Variants in FRAS1 observed in about 807,000 individuals in gnomAD.
FRAS1 encodes extracellular matrix organizing protein FRAS1.
Under a neutral mutation model 435.2 loss-of-function variants are expected in FRAS1, and 290 were observed. The observed-to-expected ratio is 0.67, with a 90% CI of 0.61 to 0.73. The LOEUF is 0.73. Ranked by LOEUF, FRAS1 falls within the 30% of genes least tolerant of loss-of-function variation. FRAS1 has a pLI of 0.00. For missense variants in FRAS1, 4,860 were observed against 5,001.5 expected, an observed-to-expected ratio of 0.97 and a Z score of 0.85; for synonymous variants, 1,800 against 1,851.0, an observed-to-expected ratio of 0.97 and a Z score of 0.71.
intron 29 of FRAS1, among the ~76,000 whole-genome samples, chr4:78,390,987 T>C (rs529800179): frequency 4.6e-4 from 70 of 152,378 alleles, no homozygotes; most frequent in African/African-American, 1.6e-3. Flanking sequence ...TATTCCAGTC[T>C]TACTCCCCTG....
intron 20 of FRAS1, among the ~76,000 whole-genome samples, chr4:78,359,985 A>G (rs1421301562): frequency 6.6e-6 from 1 of 152,160 alleles, no homozygotes; most frequent in Non-Finnish European, 1.5e-5. Context: ...AGACCTTTCC[A>G]TTGATTTCTG....
At chr4:78,284,308 G>A in intron 12 of FRAS1, 97 bp from the exon 13 acceptor site, 2 of 890,774 alleles carry the variant, frequency 2.2e-6, no homozygotes, top group East Asian at 1.4e-4. Flanking sequence ...CATGTTCTAT[G>A]TAATGCTACA....
chr4:78,466,096 C>T, intron 49 of FRAS1, 112 bp from the exon 50 acceptor site: 1 of 766,532 alleles, frequency 1.3e-6, no homozygotes. Context: ...ACAGTCCTTA[C>T]TTTATCAATG....
chr4:78,387,512 T>A lies in FRAS1; in HGVS notation c.3786T>A (p.His1262Gln), dbSNP rs372363321. ...VVIEIIDPPL[H>Q]GQLLQTLQSP... ...TTGAAATAATCGATCCTCCACTTCA[T>A]GGCCAATTGCTTCAGACACTTCAGT... The change falls in exon 29 of 74, where the codon CAT (histidine) becomes CAA (glutamine). Residue 1262 changes from histidine (H) to glutamine (Q), a missense_variant. Physicochemically the swap from His to Gln is conservative, Grantham distance 24 (BLOSUM62 0). Transcript: ENST00000512123. 9.9e-6 allele frequency: 16 copies of A among 1,613,624 alleles called. No homozygotes were observed. Among genetic ancestry groups the A allele is most frequent in the Middle Eastern group, 1.6e-4 (1 of 6,084 alleles).
chr4:78,470,774 A>G (rs1719678224), intron 51 of FRAS1, among the ~76,000 whole-genome samples: 1 of 152,210 alleles, frequency 6.6e-6, no homozygotes, highest in African/African-American at 2.4e-5. Context: ...AGAGAAGCCT[A>G]GAACCAATCC....
Position 78,451,835 on chromosome 4 carries a change from T to C in FRAS1, c.6527T>C (p.Val2176Ala). 1.2e-6 allele frequency: 2 copies of C among 1,613,142 alleles called. No individual in the cohort carries two copies. The highest frequency in any genetic ancestry group is 1.7e-6 in the Non-Finnish European group (2 of 1,179,304). ...PGGSFAFKFD[V>A]VDGEGNRLID... ...GGGAGCTTTGCTTTTAAATTTGATG[T>C]GGTTGATGGAGAAGGCAACAGATTG... The change falls in exon 46 of 74, where the codon GTG (valine) becomes GCG (alanine). Residue 2176 changes from valine to alanine, a missense_variant. Transcript: ENST00000512123.
chr4:78,416,037 T>A (rs578100438), intron 32 of FRAS1, among the ~76,000 whole-genome samples: 1 of 152,224 alleles, frequency 6.6e-6, no homozygotes, highest in South Asian at 2.1e-4. Flanking sequence ...TAAATGTCTA[T>A]CAGCAGAGAA....
At chr4:78,219,824 T>A (rs1723974375) in intron 2 of FRAS1, among the ~76,000 whole-genome samples, 2 of 152,198 alleles carry the variant, frequency 1.3e-5, no homozygotes, top group Non-Finnish European at 2.9e-5. Flanking sequence ...AGAAGTTAGT[T>A]CCTTTTGTTT....
At position 78,347,774 on chromosome 4, in the gene FRAS1, C is replaced by CGT. The variant is rs200474638; in HGVS notation, c.2422+9970_2422+9971dup. Among the ~76,000 whole-genome samples the CGT allele has an allele frequency of 1.4e-4, 18 of 131,198 alleles. 1 individual carries two copies. The highest frequency in any genetic ancestry group is 3.8e-3 in the Middle Eastern group (1 of 266). The allele number at this position is 131,198 out of a possible 152,430, so 86.1% of individuals were successfully genotyped here. A position where few individuals can be genotyped will look rare whatever the true frequency, so the allele number is the denominator to read the frequency against. On this transcript the variant is annotated intron_variant, in intron 20 of 73. Transcript: ENST00000512123. Reference sequence around the variant, plus strand: ...GTATGTGTGTGTGTGTATGTGTGTGCGTGTGTGTGTGTGTTTTTTTTTTTT... The same window carrying CGT: ...GTATGTGTGTGTGTGTATGTGTGTGCGTGTGTGTGTGTGTGTTTTTTTTTTTT...
intron 16 of FRAS1, among the ~76,000 whole-genome samples, chr4:78,317,082 TC>T: frequency 6.6e-6 from 1 of 152,330 alleles, no homozygotes; most frequent in Non-Finnish European, 1.5e-5. Flanking sequence ...AATGCCTACC[TC>T]ATAATGTTGT....
intron 2 of FRAS1, chr4:78,071,739 G>A (rs938995389): frequency 2.0e-5 from 3 of 152,144 alleles, no homozygotes; most frequent in African/African-American, 7.2e-5. Context: ...ATGAATTAAA[G>A]TTTAAATTTG....
At chr4:78,323,427 A>T (rs1373114295) in intron 18 of FRAS1, among the ~76,000 whole-genome samples, 1 of 152,234 alleles carries the variant, frequency 6.6e-6, no homozygotes, top group Non-Finnish European at 1.5e-5. Flanking sequence ...ACCCAAACCC[A>T]AGAAATACAC....
At chr4:78,237,712 C>T (rs1452446363) in intron 3 of FRAS1, 95 bp downstream of exon 3, 5 of 542,566 alleles carry the variant, frequency 9.2e-6, no homozygotes, top group Non-Finnish European at 1.6e-5. Context: ...GACATTTATT[C>T]TAATCTCTAC....
Position 78,375,762 on chromosome 4 carries a change from T to C in FRAS1, c.3175T>C (p.Cys1059Arg). 1 of 1,605,520 alleles carries C rather than the reference T, an allele frequency of 6.2e-7. No individual in the cohort carries two copies. The highest frequency in any genetic ancestry group is 2.2e-5 in the East Asian group (1 of 44,690). Reference protein sequence around the residue: ...CTACPQGCLQCSHRDRCHLCD... With the variant: ...CTACPQGCLQRSHRDRCHLCD... ...AGCCTGCCCTCAGGGGTGCTTGCAG[T>C]GCAGCCACAGGGACCGTTGTCACCT... is the stretch of plus-strand genomic sequence containing the variant. The change falls in exon 26 of 74, where the codon TGC (cysteine) becomes CGC (arginine). Residue 1059 changes from cysteine (C) to arginine (R), a missense_variant. Coordinates refer to ENST00000512123, the MANE Select transcript of FRAS1 (RefSeq NM_025074.7).
chr4:78,122,462 A>G (rs1320542033), intron 2 of FRAS1, among the ~76,000 whole-genome samples: 1 of 152,018 alleles, frequency 6.6e-6, no homozygotes, highest in African/African-American at 2.4e-5. Context: ...TTTATCATAG[A>G]CTGATTTGTA....
intron 9 of FRAS1, among the ~76,000 whole-genome samples, chr4:78,273,383 T>G (rs572247156): frequency 5.9e-5 from 9 of 152,302 alleles, no homozygotes; most frequent in Non-Finnish European, 1.3e-4. Flanking sequence ...GGCATCCCTG[T>G]CTTGTGCCAG....
chr4:78,411,535 A>G (rs4975090), intron 31 of FRAS1, among the ~76,000 whole-genome samples: 47,624 of 152,052 alleles, frequency 0.31, 8,122 homozygotes, highest in Non-Finnish European at 0.38. Flanking sequence ...TAGAAAATAG[A>G]GCATGGCATA....
intron 9 of FRAS1, among the ~76,000 whole-genome samples, chr4:78,274,835 T>G (rs1726911130): frequency 6.6e-6 from 1 of 152,230 alleles, no homozygotes; most frequent in Non-Finnish European, 1.5e-5. Flanking sequence ...TAGGTCTGCT[T>G]GGTGCAGAGC....
chr4:78,094,263 G>C (rs921748164), intron 2 of FRAS1, among the ~76,000 whole-genome samples: 6 of 151,782 alleles, frequency 4.0e-5, no homozygotes, highest in Non-Finnish European at 7.4e-5. Context: ...ATGGATTTCG[G>C]ATAAATTTCA....
Sources: allele counts gnomAD v4.1 joint callset (sites outside exome capture counted in the v4.1 genomes callset), GRCh38; gene constraint gnomAD v4.1.1; transcripts MANE v1.5; gene names NCBI Gene and HGNC (gene_info 2026-07-23, HGNC 2026-07-21).